The following CDYL variants were observed in gnomAD, a reference collection of about 807,000 sequenced individuals.
CDYL encodes chromodomain Y like, also known as chromodomain Y-like protein.
A neutral mutation model predicts 47.3 loss-of-function variants in CDYL; 8 were observed. The observed-to-expected ratio is 0.17, with a 90% CI of 0.10 to 0.31. The LOEUF (loss-of-function observed/expected upper bound fraction) is 0.31, where lower values mean the gene tolerates loss of function less well. Ranked by LOEUF, CDYL falls within the 10% of genes least tolerant of loss-of-function variation. The probability of loss-of-function intolerance (pLI) is 1.00; values close to 1 mark genes in which losing one functional copy is unlikely to be tolerated. For synonymous variants in CDYL, 266 were observed against 265.0 expected (o/e 1.00, Z -0.04); for missense variants, 471 against 701.4 (o/e 0.67, Z 3.71).
chr6:4,875,597 C>T (rs542334182), intron 1 of CDYL, among the ~76,000 whole-genome samples: 20 of 152,296 alleles, frequency 1.3e-4, no homozygotes, highest in Non-Finnish European at 2.4e-4. Flanking sequence ...ACTATATAAA[C>T]ATACATTTGA....
chr6:4,758,841 G>A (rs188616116), intron 3 of CDYL, among the ~76,000 whole-genome samples: 59 of 151,568 alleles, frequency 3.9e-4, no homozygotes, highest in African/African-American at 1.3e-3. Context: ...TTCATTTTAC[G>A]TATTTATTTT....
chr6:4,891,105 G>A (rs1762029350), intron 1 of CDYL, among the ~76,000 whole-genome samples: 1 of 152,236 alleles, frequency 6.6e-6, no homozygotes, highest in African/African-American at 2.4e-5. Flanking sequence ...ATTGAAAGAT[G>A]TTAGTGTAAA....
At chr6:4,827,026 C>T (rs189429466) in intron 1 of CDYL, among the ~76,000 whole-genome samples, 2 of 152,114 alleles carry the variant, frequency 1.3e-5, no homozygotes, top group Admixed American at 1.3e-4. Context: ...GTTATATTTT[C>T]TTGTTGAACT....
intron 3 of CDYL, among the ~76,000 whole-genome samples, chr6:4,760,993 C>T (rs1402529357): frequency 1.3e-5 from 2 of 152,028 alleles, no homozygotes; most frequent in East Asian, 1.9e-4. Context: ...CAAAGTGTTA[C>T]GTAACTCCAG....
At chr6:4,727,521 T>C (rs747206853) in intron 2 of CDYL, among the ~76,000 whole-genome samples, 1 of 152,146 alleles carries the variant, frequency 6.6e-6, no homozygotes, top group Non-Finnish European at 1.5e-5. Flanking sequence ...CAGCCAAGTA[T>C]TGATTGTTTA....
At chr6:4,852,314 T>TCTTCCTTCCTTCCTTCCTTC (rs567284610) in intron 1 of CDYL, among the ~76,000 whole-genome samples, 1 of 151,242 alleles carries the variant, frequency 6.6e-6, no homozygotes, top group African/African-American at 2.5e-5. Flanking sequence ...GCAGGGCCAG[T>TCTTCCTTCCTTCCTTCCTTC]CTTCCTTCCT....
chr6:4,886,170 A>G (rs1761895145), intron 1 of CDYL, among the ~76,000 whole-genome samples: 1 of 152,096 alleles, frequency 6.6e-6, no homozygotes, highest in Non-Finnish European at 1.5e-5. Flanking sequence ...GATTGTTTCT[A>G]CTTTTTGAGT....
At chr6:4,809,429 G>A (rs1236716755) in intron 1 of CDYL, among the ~76,000 whole-genome samples, 2 of 152,188 alleles carry the variant, frequency 1.3e-5, no homozygotes, top group Non-Finnish European at 2.9e-5. Context: ...TACTGTTGGA[G>A]GCCTGCCTTC....
At chr6:4,812,582 A>G (rs62386582) in intron 1 of CDYL, among the ~76,000 whole-genome samples, 20,051 of 152,208 alleles carry the variant, frequency 0.13, 1,464 homozygotes, top group African/African-American at 0.2. Context: ...TAGCATTATA[A>G]TGTTTTCATA....
At chr6:4,890,876 CAG>C (rs1218761538) in intron 1 of CDYL, among the ~76,000 whole-genome samples, 1 of 152,224 alleles carries the variant, frequency 6.6e-6, no homozygotes, top group African/African-American at 2.4e-5. Flanking sequence ...GATGTAATAA[CAG>C]ATTCTAGGTA....
chr6:4,722,145 G>A (rs151046667), intron 2 of CDYL, among the ~76,000 whole-genome samples: 140 of 152,232 alleles, frequency 9.2e-4, no homozygotes, highest in African/African-American at 3.2e-3. Context: ...GAGCCACTGC[G>A]CCCGGCCAGA....
chr6:4,873,329 A>G (rs1009555225), intron 1 of CDYL, among the ~76,000 whole-genome samples: 1 of 152,198 alleles, frequency 6.6e-6, no homozygotes, highest in African/African-American at 2.4e-5. Flanking sequence ...AAAAAAGTGG[A>G]TAGATATGAT....
At chr6:4,948,258 A>G (rs1291412931) in intron 5 of CDYL, among the ~76,000 whole-genome samples, 2 of 152,156 alleles carry the variant, frequency 1.3e-5, no homozygotes, top group African/African-American at 2.4e-5. Flanking sequence ...GATGTGGGGC[A>G]AATACTAAAC....
rs1759953348 is a variant in CDYL, at chr6:4,825,385, C to G, written c.24+48578C>G. Among the ~76,000 whole-genome samples the G allele has an allele frequency of 3.3e-5, 5 of 152,214 alleles. No homozygotes were observed. The South Asian group carries it at 1.0e-3, about 32-fold the overall frequency. On this transcript the variant is annotated intron_variant, in intron 1 of 6. Coordinates refer to ENST00000397588, the MANE Select transcript of CDYL (RefSeq NM_004824.4). ...TGAATGAGTAGTGATAGTTTTACTT[C>G]TTTTCAATTTGGATGCCGTTTGTTT...
At chr6:4,780,392 G>T (rs919881893) in intron 1 of CDYL, among the ~76,000 whole-genome samples, 3 of 13,872 alleles carry the variant, frequency 2.2e-4, no homozygotes, top group African/African-American at 5.7e-4. Flanking sequence ...CACCACCCCC[G>T]CCTACGCCCC....
At chr6:4,929,493 T>TACACACACACACACACAC (rs71540836) in intron 2 of CDYL, among the ~76,000 whole-genome samples, 310 of 144,020 alleles carry the variant, frequency 2.2e-3, no homozygotes, top group South Asian at 5.3e-3. Context: ...ATGTTTTACT[T>TACACACACACACACACAC]ACACACACAC....
In CDYL at chr6:4,838,875, CG is replaced by C. The variant is rs1278675587; in HGVS notation, c.25-52834del. 4.6e-5 allele frequency among the ~76,000 whole-genome samples: 7 copies of C among 152,010 alleles called. 1 individual carries two copies. The highest frequency in any genetic ancestry group is 4.2e-4 in the South Asian group (2 of 4,810). ...CTAATTTTTGTATTTTTAGTAGAGA[CG>C]GGGTTTCACCATGTTGGCCAGGCTG... On this transcript the variant is annotated intron_variant, in intron 1 of 6. Transcript: ENST00000397588.
intron 1 of CDYL, among the ~76,000 whole-genome samples, chr6:4,890,562 GTTT>G (rs967100787): frequency 2.6e-5 from 4 of 152,182 alleles, no homozygotes; most frequent in Non-Finnish European, 5.9e-5. Context: ...ATACTGGAGA[GTTT>G]TTTATTTCTT....
At chr6:4,840,270 A>C (rs1760448657) in intron 1 of CDYL, among the ~76,000 whole-genome samples, 1 of 151,948 alleles carries the variant, frequency 6.6e-6, no homozygotes, top group Non-Finnish European at 1.5e-5. Context: ...GTATCCTGGA[A>C]CTTTGCTGAA....
Sources: gnomAD v4.1 joint callset for allele counts (sites outside exome capture counted in the v4.1 genomes callset) on GRCh38, gnomAD v4.1.1 for gene constraint, MANE v1.5 for transcripts, NCBI Gene and HGNC (gene_info 2026-07-23, HGNC 2026-07-21) for gene names.